RASD2: variants seen among roughly 807,000 people sequenced by gnomAD.
RASD2 encodes GTP-binding protein Rhes.
In RASD2, 7 loss-of-function variants were observed where a neutral mutation model predicts 15.8. That is an observed-to-expected ratio of 0.44 (90% CI 0.25 to 0.83). The LOEUF (loss-of-function observed/expected upper bound fraction) is 0.83. RASD2 is among the 40% of genes least tolerant of loss of function. RASD2 has a pLI of 0.20. For missense variants in RASD2, 274 were observed against 382.8 expected (o/e 0.72, Z 2.37); for synonymous variants, 155 against 153.6 (o/e 1.01, Z -0.07).
At chr22:35,540,428 C>T (rs901079907), upstream of RASD2, among the ~76,000 whole-genome samples, 1 of 148,878 alleles carries the variant, frequency 6.7e-6, no homozygotes, top group Non-Finnish European at 1.5e-5. Flanking sequence ...ACCCGCCTCC[C>T]ATTGGCCGGG....
upstream of RASD2, among the ~76,000 whole-genome samples, chr22:35,537,864 T>C (rs1376292526): frequency 1.3e-5 from 2 of 151,920 alleles, no homozygotes; most frequent in Non-Finnish European, 2.9e-5. Context: ...GGAATGGAGG[T>C]TGAGTGCAGG....
chr22:35,549,657 C>A (rs1934607310), intron 2 of RASD2, among the ~76,000 whole-genome samples: 1 of 152,178 alleles, frequency 6.6e-6, no homozygotes, highest in African/African-American at 2.4e-5. Flanking sequence ...ATTCAGGCTT[C>A]CTTGGTTAAC....
chr22:35,551,618 G>A lies in RASD2; in HGVS notation c.387G>A (p.Glu129=), dbSNP rs138964343. 18 of 1,614,080 alleles carry A rather than the reference G, an allele frequency of 1.1e-5. No individual in the cohort carries two copies. Among genetic ancestry groups the A allele is most frequent in the Middle Eastern group, 1.6e-4 (1 of 6,084 alleles). ...CCTGCCTGAAGAACAAGACCAAGGA[G>A]GCGGCGGAGCTGCCCATGGTCATCT... The part of the protein sequence containing the change: ...VKSCLKNKTK[E]AAELPMVICG... Residue 129 remains glutamate, a synonymous_variant, in exon 3 of 3, where the codon GAG becomes GAA. Coordinates refer to ENST00000216127, the MANE Select transcript of RASD2 (RefSeq NM_014310.4). The surrounding 1 kb of genome is among the most constrained non-coding windows in gnomAD (Gnocchi z 4.9).
intron 1 of RASD2, among the ~76,000 whole-genome samples, 184 bp downstream of exon 1, chr22:35,541,684 C>T (rs1276121408): frequency 1.3e-5 from 2 of 152,202 alleles, no homozygotes; most frequent in East Asian, 3.9e-4. Flanking sequence ...GAATTAAATT[C>T]GTTGAGCACC....
At chr22:35,538,725 G>C (rs1262793459), upstream of RASD2, among the ~76,000 whole-genome samples, 1 of 152,198 alleles carries the variant, frequency 6.6e-6, no homozygotes, top group Non-Finnish European at 1.5e-5. Context: ...GGGAGCAATT[G>C]GTTCTTGGGC....
Position 35,551,804 on chromosome 22 carries a change from G to A in RASD2, c.573G>A (p.Lys191=), listed in dbSNP as rs754047761. The A allele has an allele frequency of 1.9e-6, 3 of 1,614,140 alleles. No individual in the cohort carries two copies. Among genetic ancestry groups the A allele is most frequent in the South Asian group, 2.2e-5 (2 of 91,080 alleles). The change falls in exon 3 of 3, where the codon AAG becomes AAA. Residue 191 remains lysine, a synonymous_variant. Coordinates refer to ENST00000216127, the MANE Select transcript of RASD2 (RefSeq NM_014310.4). The surrounding 1 kb of genome is among the most constrained non-coding windows in gnomAD (Gnocchi z 4.9). ...TCTACGTGCTCTTCAGCATGGCCAA[G>A]CTGCCACACGAGATGAGCCCCGCCC... ...EMFYVLFSMA[K]LPHEMSPALH... is the part of the protein sequence containing the mutation.
In RASD2 at chr22:35,553,372, G is replaced by A. The variant is rs763079242; in HGVS notation, c.*1340G>A. ...TACCACCATGTACTCAGGCATGGTG[G>A]GTTTTGAACCCATAAACCAAAGGCC... On this transcript the variant is annotated 3_prime_UTR_variant, in exon 3 of 3. Transcript: ENST00000216127. 6.6e-6 allele frequency: 1 copy of A among 152,484 alleles called. No individual in the cohort carries two copies. The allele number at this position is 152,484 out of a possible 1,614,324, so 9.4% of individuals were successfully genotyped here. A position where few individuals can be genotyped will look rare whatever the true frequency, so the allele number is the denominator to read the frequency against.
At chr22:35,542,356 G>A (rs1934372764) in intron 1 of RASD2, among the ~76,000 whole-genome samples, 1 of 152,232 alleles carries the variant, frequency 6.6e-6, no homozygotes, top group Admixed American at 6.5e-5. Context: ...GTTTGCTGCG[G>A]GTCAAGAGCT....
rs1360684285 is a variant in RASD2, at chr22:35,548,823, T to G, written c.271+1743T>G. ...TGACCAGAGGCACATGCATCCTGTC[T>G]GAGTCTCAGCCTCCCCAGCCACACA... On this transcript the variant is annotated intron_variant, in intron 2 of 2. Coordinates refer to ENST00000216127, the MANE Select transcript of RASD2 (RefSeq NM_014310.4). Among the ~76,000 whole-genome samples the G allele has an allele frequency of 2.0e-5, 3 of 152,054 alleles. No individual in the cohort carries two copies. In the East Asian group the frequency reaches 5.9e-4, roughly 30 times the overall value.
intron 2 of RASD2, among the ~76,000 whole-genome samples, chr22:35,549,103 C>A (rs76175210): frequency 0.013 from 1,930 of 152,348 alleles, 44 homozygotes; most frequent in African/African-American, 0.044. Context: ...CTCCTGCAAA[C>A]GCTACAGATA....
At chr22:35,533,058 A>G in the RASD2 span, among the ~76,000 whole-genome samples, 2 of 152,214 alleles carry the variant, frequency 1.3e-5, no homozygotes, top group Non-Finnish European at 2.9e-5. Flanking sequence ...GGGGATAATA[A>G]GACACTCCTC....
the RASD2 span, among the ~76,000 whole-genome samples, chr22:35,535,233 G>A: frequency 1.1e-3 from 174 of 152,038 alleles, no homozygotes; most frequent in Middle Eastern, 3.4e-3. Context: ...GCAAGACCCT[G>A]TCTCTACAAA....
intron 2 of RASD2, among the ~76,000 whole-genome samples, chr22:35,548,079 C>T (rs1398466926): frequency 6.6e-6 from 1 of 152,210 alleles, no homozygotes; most frequent in Non-Finnish European, 1.5e-5. Context: ...AGCCTCTCAG[C>T]CCTGCTGGGA....
intron 2 of RASD2, among the ~76,000 whole-genome samples, chr22:35,550,302 A>T (rs966326351): frequency 6.6e-6 from 1 of 150,472 alleles, no homozygotes; most frequent in Non-Finnish European, 1.5e-5. Flanking sequence ...ATAGCTAGGC[A>T]TGGTGACAGG....
At chr22:35,544,069 C>T (rs767305113) in intron 1 of RASD2, among the ~76,000 whole-genome samples, 2 of 152,212 alleles carry the variant, frequency 1.3e-5, no homozygotes, top group Non-Finnish European at 2.9e-5. Flanking sequence ...CTCCCTGAAG[C>T]TCATTCAGTC....
chr22:35,533,760 A>G, the RASD2 span, among the ~76,000 whole-genome samples: 1 of 22,146 alleles, frequency 4.5e-5, no homozygotes, highest in Non-Finnish European at 9.9e-5. Flanking sequence ...GATGACAGTG[A>G]TGGTGGTGAT....
At chr22:35,538,658 G>A (rs1401623762), upstream of RASD2, among the ~76,000 whole-genome samples, 1 of 152,176 alleles carries the variant, frequency 6.6e-6, no homozygotes, top group East Asian at 1.9e-4. Context: ...CTCCCCTCGC[G>A]ACTGGGATAT....
upstream of RASD2, among the ~76,000 whole-genome samples, chr22:35,537,423 C>T (rs781602560): frequency 3.0e-4 from 46 of 152,198 alleles, 1 homozygote; most frequent in Admixed American, 5.9e-4. Context: ...ATGGGGGTGA[C>T]GAGGCATGTG....
In RASD2 at chr22:35,551,683, T is replaced by G. The variant is rs1478848116; in HGVS notation, c.452T>G (p.Val151Gly). The change falls in exon 3 of 3, where the codon GTG (valine) becomes GGG (glycine). Residue 151 changes from valine (V) to glycine (G), a missense_variant. Transcript: ENST00000216127. The surrounding 1 kb of genome is among the most constrained non-coding windows in gnomAD (Gnocchi z 4.9). ...KNDHGELCRQ[V>G]PTTEAELLVS... is the part of the protein sequence containing the mutation. ...GACCACGGCGAGCTGTGCCGCCAGGTGCCCACCACCGAGGCCGAGCTGCTG... is the reference window on the plus strand; with the variant it reads ...GACCACGGCGAGCTGTGCCGCCAGGGGCCCACCACCGAGGCCGAGCTGCTG... 4 of 1,613,750 alleles carry G rather than the reference T, an allele frequency of 2.5e-6. No homozygotes were observed. Among genetic ancestry groups the G allele is most frequent in the Admixed American group, 1.7e-5 (1 of 60,002 alleles).
Sources: gnomAD v4.1 joint callset for allele counts (sites outside exome capture counted in the v4.1 genomes callset) on GRCh38, gnomAD v4.1.1 for gene constraint, Gnocchi (gnomAD v3.1) non-coding constraint, MANE v1.5 for transcripts, NCBI Gene and HGNC (gene_info 2026-07-23, HGNC 2026-07-21) for gene names.